The following DSE variants were observed in gnomAD, a reference collection of about 807,000 sequenced individuals.
DSE encodes the protein dermatan sulfate epimerase.
A neutral mutation model predicts 84.4 loss-of-function variants in DSE; 36 were observed. The observed-to-expected ratio is 0.43, with a 90% CI of 0.33 to 0.56. The LOEUF (loss-of-function observed/expected upper bound fraction) is 0.56. Among genes scored for constraint, DSE ranks in the 20% least tolerant of loss-of-function variants. The pLI, the probability that DSE is intolerant of heterozygous loss-of-function variation, is 0.06. For missense variants in DSE, 862 were observed against 1,169.6 expected, an observed-to-expected ratio of 0.74 and a Z score of 3.84; for synonymous variants, 410 against 430.1, an observed-to-expected ratio of 0.95 and a Z score of 0.58.
At chr6:116,425,005 A>G (rs1017387606) in intron 2 of DSE, among the ~76,000 whole-genome samples, 1 of 152,198 alleles carries the variant, frequency 6.6e-6, no homozygotes, top group African/African-American at 2.4e-5. Flanking sequence ...TCTTGATGGT[A>G]TTGGGAGGAT....
chr6:116,349,408 T>G (rs770768341), intron 2 of DSE, among the ~76,000 whole-genome samples: 3 of 152,200 alleles, frequency 2.0e-5, no homozygotes, highest in Non-Finnish European at 2.9e-5. Context: ...TGACTCAAGC[T>G]CCAGCTTTTA....
At chr6:116,374,519 G>A (rs187180700) in intron 1 of DSE, among the ~76,000 whole-genome samples, 165 of 152,270 alleles carry the variant, frequency 1.1e-3, no homozygotes, top group African/African-American at 3.8e-3. Context: ...GAAGAGGATA[G>A]GACAGTTCTT....
chr6:116,380,891 C>T (rs745444311), intron 1 of DSE, among the ~76,000 whole-genome samples: 2 of 152,002 alleles, frequency 1.3e-5, no homozygotes, highest in South Asian at 2.1e-4. Context: ...ACATTCTTAC[C>T]GACCCTTTTT....
At chr6:116,336,171 G>T (rs550551030) in intron 2 of DSE, among the ~76,000 whole-genome samples, 6 of 152,246 alleles carry the variant, frequency 3.9e-5, no homozygotes, top group South Asian at 2.1e-4. Flanking sequence ...TTTTACAGAA[G>T]AATTTAAAAT....
intron 2 of DSE, chr6:116,279,908 A>G: frequency 3.1e-6 from 5 of 1,592,156 alleles, no homozygotes; most frequent in Non-Finnish European, 4.3e-6. Flanking sequence ...CGCCGCTCGC[A>G]CCGCCCACCC....
chr6:116,395,718 C>G (rs1481942138), intron 1 of DSE, among the ~76,000 whole-genome samples: 1 of 152,042 alleles, frequency 6.6e-6, no homozygotes, highest in East Asian at 1.9e-4. Flanking sequence ...CATTTTTGGT[C>G]CACCTAAAAT....
At chr6:116,369,894 C>A, upstream of DSE, 1 of 1,289,104 alleles carries the variant, frequency 7.8e-7, no homozygotes, top group Non-Finnish European at 1.0e-6. Context: ...AAAAGCACTG[C>A]TCCCAGTAAA....
chr6:116,350,348 C>A (rs551599290), intron 2 of DSE, among the ~76,000 whole-genome samples: 5 of 152,242 alleles, frequency 3.3e-5, no homozygotes, highest in South Asian at 2.1e-4. Flanking sequence ...CTACTTCTAA[C>A]TTCTGTGGCA....
At chr6:116,421,971 G>A (rs1562301092) in intron 2 of DSE, among the ~76,000 whole-genome samples, 2 of 152,032 alleles carry the variant, frequency 1.3e-5, no homozygotes, top group African/African-American at 2.4e-5. Flanking sequence ...CTTCTTTGAC[G>A]CTACACTAAA....
chr6:116,359,790 G>A (rs1778788299), intron 2 of DSE, among the ~76,000 whole-genome samples: 1 of 152,284 alleles, frequency 6.6e-6, no homozygotes, highest in South Asian at 2.1e-4. Flanking sequence ...TCAAGCATAT[G>A]CTAGCTCATC....
intron 2 of DSE, among the ~76,000 whole-genome samples, chr6:116,405,406 A>T (rs200560577): frequency 6.6e-6 from 1 of 152,188 alleles, no homozygotes; most frequent in East Asian, 1.9e-4. Context: ...ATGCACCTGG[A>T]ATCCATTAAA....
At position 116,352,366 on chromosome 6, in the gene DSE, T is replaced by A. The variant is rs930597063; in HGVS notation, c.-53-46832T>A. On this transcript the variant is annotated intron_variant, in intron 2 of 3. Coordinates refer to the DSE transcript ENST00000430252. ...GGCTGGTCAGAACCATTTTTTCTCT[T>A]GATCACAAGGGTTCTCCAAACACAA... Among the ~76,000 whole-genome samples, 3 of 152,292 alleles carry A rather than the reference T, an allele frequency of 2.0e-5. No homozygotes were observed. In the South Asian group the frequency reaches 6.2e-4, roughly 32 times the overall value.
At chr6:116,284,895 A>G (rs553881665) in intron 2 of DSE, among the ~76,000 whole-genome samples, 14 of 152,128 alleles carry the variant, frequency 9.2e-5, no homozygotes, top group Non-Finnish European at 1.9e-4. Context: ...TATATGTGCC[A>G]CGTTTACTTA....
chr6:116,411,190 C>A (rs1371721449), intron 2 of DSE, among the ~76,000 whole-genome samples: 1 of 151,766 alleles, frequency 6.6e-6, no homozygotes, highest in Non-Finnish European at 1.5e-5. Context: ...GTGTGTGTCT[C>A]AGTCATAAAA....
chr6:116,323,992 C>T (rs562737452), intron 2 of DSE, among the ~76,000 whole-genome samples: 5 of 152,200 alleles, frequency 3.3e-5, no homozygotes, highest in Admixed American at 2.6e-4. Context: ...CCCACATAGT[C>T]AAACCACAAC....
At chr6:116,370,304 A>C, upstream of DSE, 1 of 253,308 alleles carries the variant, frequency 3.9e-6, no homozygotes, top group Non-Finnish European at 6.7e-6. Context: ...TTCCGTTTGC[A>C]GGGTTCGGTG....
chr6:116,326,638 A>G (rs1776638706), intron 2 of DSE, among the ~76,000 whole-genome samples: 1 of 152,164 alleles, frequency 6.6e-6, no homozygotes, highest in Non-Finnish European at 1.5e-5. Context: ...CTTGGCCGAG[A>G]AAACTGTTAG....
Position 116,444,744 on chromosome 6 carries a change from A to T in DSE, c.*7399A>T, listed in dbSNP as rs1276811849. The T allele has an allele frequency of 2.0e-5, 3 of 152,210 alleles. No individual in the cohort carries two copies. Among genetic ancestry groups the T allele is most frequent in the Admixed American group, 1.3e-4 (2 of 15,282 alleles). The allele number at this position is 152,210 out of a possible 1,614,324, so 9.4% of individuals were successfully genotyped here. ...CAACATGTGAGGCTACAGTGAAAAG[A>T]TGGCCATCTGTAAACCAGGAAGTGA... On this transcript the variant is annotated 3_prime_UTR_variant, in exon 6 of 6. Transcript: ENST00000644252.
chr6:116,286,149 A>G (rs1162113633), intron 2 of DSE, among the ~76,000 whole-genome samples: 1 of 152,182 alleles, frequency 6.6e-6, no homozygotes, highest in African/African-American at 2.4e-5. Context: ...CTTTCTATCC[A>G]TGAGCATGGA....
Sources: gnomAD v4.1 joint callset for allele counts (sites outside exome capture counted in the v4.1 genomes callset) on GRCh38, gnomAD v4.1.1 for gene constraint, MANE v1.5 for transcripts, NCBI Gene and HGNC (gene_info 2026-07-23, HGNC 2026-07-21) for gene names.